The following MTMR2 variants were observed in gnomAD, a reference collection of about 807,000 sequenced individuals.
The protein encoded by MTMR2 is phosphatidylinositol-3,5-bisphosphate 3-phosphatase MTMR2.
A neutral mutation model predicts 86.9 loss-of-function variants in MTMR2; 55 were observed. The observed-to-expected ratio is 0.63, with a 90% CI of 0.51 to 0.79. MTMR2 has a LOEUF of 0.79. MTMR2 is among the 30% of genes least tolerant of loss of function. The pLI is 0.00. For synonymous variants in MTMR2, 241 were observed against 266.8 expected, an observed-to-expected ratio of 0.90 and a Z score of 0.94; for missense variants, 659 against 772.3, an observed-to-expected ratio of 0.85 and a Z score of 1.74.
rs574939309 is a variant in MTMR2 at position 95,896,707 on chromosome 11, A to T, written c.81-8446T>A. On this transcript the variant is annotated intron_variant, in intron 1 of 14. Transcript: ENST00000346299. ...CTAGAACATGCAAGATAAAACAAAA[A>T]AGAAATCTGTGAAAGGAGGGAGAGG... 2.0e-5 allele frequency among the ~76,000 whole-genome samples: 3 copies of T among 152,226 alleles called. No homozygotes were observed. The South Asian group carries it at 6.2e-4, about 32-fold the overall frequency.
At chr11:95,864,911 C>T (rs1389667365) in intron 3 of MTMR2, among the ~76,000 whole-genome samples, 1 of 152,062 alleles carries the variant, frequency 6.6e-6, no homozygotes, top group African/African-American at 2.4e-5. Context: ...GTTATATTAA[C>T]TAAGAAATCA....
Position 95,845,016 on chromosome 11 carries a change from G to A in MTMR2, c.1323C>T (p.Thr441=), listed in dbSNP as rs1863717228. The change falls in exon 11 of 15, where the codon ACC becomes ACT. Residue 441 remains threonine, a synonymous_variant. Coordinates refer to ENST00000346299, the MANE Select transcript of MTMR2 (RefSeq NM_016156.6). Reference sequence around the variant, plus strand: ...CCACAAGGACTTCAAATCCTCGGATGGTTCGATAGTATCCATCCAACATGA... The same window carrying A: ...CCACAAGGACTTCAAATCCTCGGATAGTTCGATAGTATCCATCCAACATGA... ...AMLMLDGYYR[T]IRGFEVLVEK... 1 of 1,613,750 alleles carries A rather than the reference G, an allele frequency of 6.2e-7. No individual in the cohort carries two copies. Among genetic ancestry groups the A allele is most frequent in the Non-Finnish European group, 8.5e-7 (1 of 1,179,846 alleles).
Position 95,899,358 on chromosome 11 carries a change from G to A in MTMR2, c.81-11097C>T, listed in dbSNP as rs1406267084. ...TAGACAGTAAAGAAGAAAACAGGTC[G>A]TTTGAGAAGCTGCTGCTTTCTGTCT... On this transcript the variant is annotated intron_variant, in intron 1 of 14. Transcript: ENST00000346299. Among the ~76,000 whole-genome samples, 5 of 152,190 alleles carry A rather than the reference G, an allele frequency of 3.3e-5. No homozygotes were observed. In the East Asian group the frequency reaches 9.7e-4, roughly 29 times the overall value.
intron 2 of MTMR2, among the ~76,000 whole-genome samples, chr11:95,873,883 G>C (rs1234268230): frequency 2.0e-5 from 3 of 152,180 alleles, no homozygotes; most frequent in African/African-American, 7.2e-5. Flanking sequence ...AGGTTGTTCA[G>C]TTTCCATGTA....
At position 95,885,741 on chromosome 11, in the gene MTMR2, C is replaced by T. The variant is rs1231290390; in HGVS notation, c.186+2415G>A. Among the ~76,000 whole-genome samples, 7 of 151,466 alleles carry T rather than the reference C, an allele frequency of 4.6e-5. No individual in the cohort carries two copies. In the East Asian group the frequency reaches 1.4e-3, roughly 29 times the overall value. On this transcript the variant is annotated intron_variant, in intron 2 of 14. Coordinates refer to ENST00000346299, the MANE Select transcript of MTMR2 (RefSeq NM_016156.6). The stretch of plus-strand genomic sequence containing the variant: ...TAACCCCCTACTCCTTAAGTGTGGG[C>T]TGTGCATAGCAACTTCTTTCCAAAA...
chr11:95,922,947 C>A (rs188870945), intron 1 of MTMR2, among the ~76,000 whole-genome samples: 240 of 152,286 alleles, frequency 1.6e-3, no homozygotes, highest in Middle Eastern at 3.4e-3. Flanking sequence ...TCTCTAATAA[C>A]AATTAGACTA....
At chr11:95,889,610 C>T (rs1865642004) in intron 1 of MTMR2, among the ~76,000 whole-genome samples, 1 of 152,034 alleles carries the variant, frequency 6.6e-6, no homozygotes, top group Non-Finnish European at 1.5e-5. Flanking sequence ...TCTCACTCAG[C>T]CTCCCAAAGT....
chr11:95,910,198 A>G (rs1026129375), intron 1 of MTMR2, among the ~76,000 whole-genome samples: 3 of 151,778 alleles, frequency 2.0e-5, no homozygotes, highest in Non-Finnish European at 4.4e-5. Context: ...CAAAACTTCA[A>G]TCACAAAACC....
intron 12 of MTMR2, chr11:95,840,139 C>G (rs184412078): frequency 2.0e-5 from 3 of 152,112 alleles, no homozygotes; most frequent in African/African-American, 7.2e-5. Flanking sequence ...GTGTACTCTT[C>G]TTTGCAAGAA....
intron 12 of MTMR2, among the ~76,000 whole-genome samples, chr11:95,841,113 A>G (rs1393520573): frequency 1.3e-5 from 2 of 152,208 alleles, no homozygotes; most frequent in Non-Finnish European, 2.9e-5. Flanking sequence ...TCTAAAAGCC[A>G]TAATAGCTCT....
chr11:95,835,295 C>CAACA lies in MTMR2; in HGVS notation c.1923_1926dup (p.Val643CysfsTer17), dbSNP rs1863211323. On this transcript the variant is annotated frameshift_variant, in exon 15 of 15. Transcript: ENST00000346299. LOFTEE classifies it high-confidence loss of function. ...GCCCCTGATCTTACAGTCCTTTATA[C>CAACA]AACAGTTTGGACAGGAGTGACACAC... 2.5e-6 allele frequency: 4 copies of CAACA among 1,612,766 alleles called. No homozygotes were observed. The highest frequency in any genetic ancestry group is 3.4e-6 in the Non-Finnish European group (4 of 1,179,128).
At chr11:95,893,768 T>C (rs1865791897) in intron 1 of MTMR2, among the ~76,000 whole-genome samples, 1 of 152,134 alleles carries the variant, frequency 6.6e-6, no homozygotes, top group Non-Finnish European at 1.5e-5. Context: ...TCCTGTACAG[T>C]CTACTTCCCT....
At chr11:95,841,558 C>G (rs1010330832) in intron 12 of MTMR2, 59 bp downstream of exon 12, 21 of 1,259,262 alleles carry the variant, frequency 1.7e-5, no homozygotes, top group African/African-American at 3.0e-5. Context: ...CCAAATCTCC[C>G]CACTCTGACA....
At chr11:95,836,568 A>G (rs1565343056) in intron 13 of MTMR2, among the ~76,000 whole-genome samples, 1 of 152,004 alleles carries the variant, frequency 6.6e-6, no homozygotes, top group Non-Finnish European at 1.5e-5. Context: ...AACAGAAGAC[A>G]TGTCTGTACA....
At chr11:95,843,440 C>A (rs1203642745) in intron 11 of MTMR2, among the ~76,000 whole-genome samples, 3 of 152,060 alleles carry the variant, frequency 2.0e-5, no homozygotes, top group African/African-American at 7.2e-5. Flanking sequence ...AAAAAAAATT[C>A]ATTAACTTGA....
chr11:95,902,006 A>T (rs1866092097), intron 1 of MTMR2, among the ~76,000 whole-genome samples: 3 of 152,174 alleles, frequency 2.0e-5, no homozygotes, highest in Admixed American at 1.3e-4. Context: ...TGATATTATA[A>T]GATCTGATAG....
At chr11:95,856,728 T>C (rs1193025342) in intron 7 of MTMR2, among the ~76,000 whole-genome samples, 1 of 152,124 alleles carries the variant, frequency 6.6e-6, no homozygotes, top group Non-Finnish European at 1.5e-5. Flanking sequence ...TTTACCTCTT[T>C]TCTTTAGACA....
At chr11:95,877,331 CCTT>C (rs1222780123) in intron 2 of MTMR2, among the ~76,000 whole-genome samples, 8 of 94,740 alleles carry the variant, frequency 8.4e-5, no homozygotes, top group African/African-American at 2.5e-4. Context: ...ACAGGGAAGC[CCTT>C]TTTTTTTTTT....
At chr11:95,842,727 G>A (rs1863600112) in intron 11 of MTMR2, among the ~76,000 whole-genome samples, 2 of 152,234 alleles carry the variant, frequency 1.3e-5, no homozygotes, top group Non-Finnish European at 1.5e-5. Context: ...TGATGCAGAA[G>A]TTATGAAGGA....
Sources: gnomAD v4.1 joint callset for allele counts (sites outside exome capture counted in the v4.1 genomes callset) on GRCh38, gnomAD v4.1.1 for gene constraint, MANE v1.5 for transcripts, NCBI Gene and HGNC (gene_info 2026-07-23, HGNC 2026-07-21) for gene names.